Variants in RABGAP1 observed in about 807,000 individuals in gnomAD.
The protein encoded by RABGAP1 is RAB GTPase activating protein 1.
A neutral mutation model predicts 137.6 loss-of-function variants in RABGAP1; 23 were observed. The ratio of observed to expected loss-of-function variants is 0.17; its 90% CI spans 0.12 to 0.24. The LOEUF (loss-of-function observed/expected upper bound fraction) is 0.24, where lower values mean the gene tolerates loss of function less well. Among genes scored for constraint, RABGAP1 ranks in the 10% least tolerant of loss-of-function variants. RABGAP1 has a pLI of 1.00. For missense variants in RABGAP1, 906 were observed against 1,275.8 expected, an observed-to-expected ratio of 0.71 and a Z score of 4.42; for synonymous variants, 451 against 450.7, an observed-to-expected ratio of 1.00 and a Z score of -0.01.
At chr9:122,940,808 G>C (rs146418463), upstream of RABGAP1, 1 of 152,642 alleles carries the variant, frequency 6.6e-6, no homozygotes, top group East Asian at 1.9e-4. Context: ...CCAGCTCACA[G>C]CCAGTGCACT....
intron 13 of RABGAP1, among the ~76,000 whole-genome samples, chr9:123,025,659 G>A (rs893615884): frequency 6.8e-6 from 1 of 146,916 alleles, no homozygotes; most frequent in Non-Finnish European, 1.5e-5. Context: ...TACAGCAAAT[G>A]GAATAGTTTT....
intron 10 of RABGAP1, among the ~76,000 whole-genome samples, chr9:123,001,741 A>G (rs574413106): frequency 6.6e-6 from 1 of 152,336 alleles, no homozygotes; most frequent in African/African-American, 2.4e-5. Flanking sequence ...GCATAATAGA[A>G]TCTTCCTCAT....
At chr9:123,076,155 A>G (rs911851054) in intron 17 of RABGAP1, 90 bp from the exon 18 acceptor site, 3 of 1,348,272 alleles carry the variant, frequency 2.2e-6, no homozygotes, top group African/African-American at 1.5e-5. Context: ...AGTTTTCACA[A>G]TTTCTTTAAA....
intron 3 of RABGAP1, among the ~76,000 whole-genome samples, 158 bp downstream of exon 3, chr9:122,984,877 T>C (rs2302563): frequency 0.077 from 11,797 of 152,228 alleles, 1,625 homozygotes; most frequent in East Asian, 0.61. Flanking sequence ...TCTAAGGGGA[T>C]GTGAGAGGAG....
At chr9:122,960,614 T>C (rs984044199) in intron 2 of RABGAP1, among the ~76,000 whole-genome samples, 1 of 152,156 alleles carries the variant, frequency 6.6e-6, no homozygotes, top group African/African-American at 2.4e-5. Flanking sequence ...AACCAAAAAT[T>C]ATAAGACATT....
At chr9:122,966,995 C>T (rs1460288588) in intron 2 of RABGAP1, among the ~76,000 whole-genome samples, 1 of 152,212 alleles carries the variant, frequency 6.6e-6, no homozygotes, top group East Asian at 1.9e-4. Flanking sequence ...CTCCAGGTTC[C>T]TCCCACAACA....
intron 13 of RABGAP1, among the ~76,000 whole-genome samples, chr9:123,055,323 C>G (rs2033647034): frequency 1.3e-5 from 2 of 152,286 alleles, no homozygotes; most frequent in Non-Finnish European, 2.9e-5. Flanking sequence ...CCCTGAGTAG[C>G]TGGGACTACA....
intron 13 of RABGAP1, among the ~76,000 whole-genome samples, chr9:123,038,762 A>G (rs2032800544): frequency 6.6e-6 from 1 of 151,266 alleles, no homozygotes; most frequent in Admixed American, 6.6e-5. Flanking sequence ...TTTATATATT[A>G]TTAATATTAT....
At chr9:123,036,161 T>C (rs757794569) in intron 13 of RABGAP1, among the ~76,000 whole-genome samples, 3 of 152,266 alleles carry the variant, frequency 2.0e-5, no homozygotes, top group Admixed American at 6.5e-5. Flanking sequence ...AGCCAAATGT[T>C]CTGTGTTTTA....
At chr9:122,931,787 G>A in the RABGAP1 span, among the ~76,000 whole-genome samples, 1 of 152,202 alleles carries the variant, frequency 6.6e-6, no homozygotes, top group African/African-American at 2.4e-5. Flanking sequence ...CCCGCTGCTC[G>A]GGACCCCCGT....
chr9:122,972,824 A>G (rs1022832831), intron 2 of RABGAP1, among the ~76,000 whole-genome samples: 7 of 151,946 alleles, frequency 4.6e-5, no homozygotes, highest in Non-Finnish European at 8.8e-5. Context: ...GTATTATGTG[A>G]TGGTGTGGTT....
chr9:123,028,792 G>A (rs2032132889), intron 13 of RABGAP1, among the ~76,000 whole-genome samples: 1 of 152,134 alleles, frequency 6.6e-6, no homozygotes, highest in Admixed American at 6.5e-5. Context: ...TCAGATCCTA[G>A]TTCTGCTGTA....
chr9:122,958,187 A>AAT (rs1392476379), intron 2 of RABGAP1, among the ~76,000 whole-genome samples: 1 of 152,084 alleles, frequency 6.6e-6, no homozygotes, highest in African/African-American at 2.4e-5. Context: ...AACAGTTAAA[A>AAT]ATAAAGACAT....
rs1051443404 is a variant in RABGAP1 at position 123,097,818 on chromosome 9, A to G, written c.2706A>G (p.Lys902=). Residue 902 remains lysine (K), a synonymous_variant, in exon 22 of 26, where the codon AAA becomes AAG. Coordinates refer to ENST00000373647, the MANE Select transcript of RABGAP1 (RefSeq NM_012197.4). ...KQKLIDAEEE[K]RRLEEESAQL... is the part of the protein sequence containing the mutation. ...AGTTGATTGATGCAGAAGAAGAGAA[A>G]AGACGGCTGGAAGAAGAGTCTGCTC... 1.2e-6 allele frequency: 2 copies of G among 1,613,724 alleles called. No individual in the cohort carries two copies. Among genetic ancestry groups the G allele is most frequent in the Non-Finnish European group, 1.7e-6 (2 of 1,179,842 alleles).
chr9:122,936,704 C>G (rs189000010), upstream of RABGAP1, among the ~76,000 whole-genome samples: 5 of 152,350 alleles, frequency 3.3e-5, no homozygotes, highest in East Asian at 3.9e-4. Flanking sequence ...TTTGACCCCC[C>G]ACCAGCTGAA....
chr9:123,006,288 A>G (rs1365900742), intron 10 of RABGAP1, among the ~76,000 whole-genome samples: 1 of 152,214 alleles, frequency 6.6e-6, no homozygotes, highest in South Asian at 2.1e-4. Flanking sequence ...CAAAAAGAAT[A>G]CACTCTTCTG....
At chr9:123,099,731 G>A (rs562205969) in intron 24 of RABGAP1, among the ~76,000 whole-genome samples, 182 bp downstream of exon 24, 2 of 152,332 alleles carry the variant, frequency 1.3e-5, no homozygotes, top group South Asian at 2.1e-4. Context: ...CTGGAAGGGT[G>A]TACAGATGAA....
chr9:122,997,973 G>A (rs1837122159), intron 9 of RABGAP1, among the ~76,000 whole-genome samples: 1 of 152,106 alleles, frequency 6.6e-6, no homozygotes, highest in Non-Finnish European at 1.5e-5. Flanking sequence ...AAATACCATT[G>A]TTAACCAAAT....
intron 2 of RABGAP1, among the ~76,000 whole-genome samples, chr9:122,974,308 C>T (rs1473241803): frequency 1.3e-5 from 2 of 151,100 alleles, no homozygotes; most frequent in Non-Finnish European, 2.9e-5. Context: ...GAGCCTGTAA[C>T]GTGGTAAGAT....
Sources: gnomAD v4.1 joint callset for allele counts (sites outside exome capture counted in the v4.1 genomes callset) on GRCh38, gnomAD v4.1.1 for gene constraint, MANE v1.5 for transcripts, NCBI Gene and HGNC (gene_info 2026-07-23, HGNC 2026-07-21) for gene names.